PTPN2: variants seen among roughly 807,000 people sequenced by gnomAD.
The protein encoded by PTPN2 is tyrosine-protein phosphatase non-receptor type 2.
A neutral mutation model predicts 57.3 loss-of-function variants in PTPN2; 19 were observed. The ratio of observed to expected loss-of-function variants is 0.33; its 90% CI spans 0.23 to 0.49. The LOEUF (loss-of-function observed/expected upper bound fraction) is 0.49. Among genes scored for constraint, PTPN2 ranks in the 20% least tolerant of loss-of-function variants. PTPN2 has a pLI of 0.99. For missense variants in PTPN2, 358 were observed against 501.1 expected (o/e 0.71, Z 2.73); for synonymous variants, 153 against 164.9 (o/e 0.93, Z 0.55).
chr18:12,788,267 G>A (rs80279676), downstream of PTPN2: 1,670 of 152,552 alleles, frequency 0.011, 11 homozygotes, highest in Non-Finnish European at 0.018. Flanking sequence ...AAAACATACT[G>A]TATAACGTAA....
chr18:12,837,137 A>G (rs2042893797), intron 2 of PTPN2, among the ~76,000 whole-genome samples: 1 of 152,174 alleles, frequency 6.6e-6, no homozygotes, highest in Admixed American at 6.5e-5. Flanking sequence ...AGCCATTGTG[A>G]CTTGAAAAAT....
rs186080073 is a variant in PTPN2 at position 12,793,283 on chromosome 18, A to G, written c.*995T>C. The G allele has an allele frequency of 1.4e-4, 135 of 971,916 alleles. 1 individual carries two copies. Among genetic ancestry groups the G allele is most frequent in the Middle Eastern group, 5.2e-4 (1 of 1,910 alleles). 60.2% of individuals were successfully genotyped at this position (971,916 alleles called of 1,614,324 possible). Reference sequence around the variant, plus strand: ...ATATAATCATACTATTTATTGAAGTAGAAAGAAACTGAAAAGTGTTTACTT... The same window carrying G: ...ATATAATCATACTATTTATTGAAGTGGAAAGAAACTGAAAAGTGTTTACTT... On this transcript the variant is annotated 3_prime_UTR_variant, in exon 9 of 9. Transcript: ENST00000309660.
chr18:12,830,100 A>ATTTTT (rs148424474), intron 4 of PTPN2, among the ~76,000 whole-genome samples: 8 of 147,614 alleles, frequency 5.4e-5, no homozygotes, highest in Non-Finnish European at 9.0e-5. Flanking sequence ...ATAATCCTTG[A>ATTTTT]TTTTTTTTTT....
At chr18:12,827,675 C>G (rs1010661384) in intron 4 of PTPN2, among the ~76,000 whole-genome samples, 13 of 150,704 alleles carry the variant, frequency 8.6e-5, no homozygotes, top group African/African-American at 3.2e-4. Context: ...GTAAGCCCTC[C>G]AACCTGGCCA....
At chr18:12,838,953 T>C (rs2042958821) in intron 2 of PTPN2, among the ~76,000 whole-genome samples, 1 of 151,698 alleles carries the variant, frequency 6.6e-6, no homozygotes, top group East Asian at 1.9e-4. Context: ...AATAAAACTT[T>C]AAAATAAATT....
At chr18:12,814,810 A>T (rs2042012005) in intron 6 of PTPN2, among the ~76,000 whole-genome samples, 1 of 152,132 alleles carries the variant, frequency 6.6e-6, no homozygotes. Flanking sequence ...GGTGGAAAAG[A>T]GGCCAGGCAT....
chr18:12,807,236 T>C (rs961165220), intron 7 of PTPN2, among the ~76,000 whole-genome samples: 7 of 151,830 alleles, frequency 4.6e-5, no homozygotes, highest in Admixed American at 2.6e-4. Flanking sequence ...CACTGAGATA[T>C]CACCACACCC....
intron 8 of PTPN2, among the ~76,000 whole-genome samples, chr18:12,796,125 A>G (rs2041172242): frequency 6.6e-6 from 1 of 152,190 alleles, no homozygotes; most frequent in South Asian, 2.1e-4. Context: ...TCTGGCCTAG[A>G]AGCTTCAAAA....
At position 12,834,748 on chromosome 18, in the gene PTPN2, T is replaced by C. The variant is rs541010361; in HGVS notation, c.261+2043A>G. Among the ~76,000 whole-genome samples the C allele has an allele frequency of 3.3e-5, 5 of 152,022 alleles. No homozygotes were observed. In the South Asian group the frequency reaches 6.2e-4, roughly 19 times the overall value. ...GAAAAAAAAAAGCTAATTTAGAATC[T>C]TAAGACCTATGTTTTTAAGAACTAA... On this transcript the variant is annotated intron_variant, in intron 3 of 8. Coordinates refer to ENST00000309660, the MANE Select transcript of PTPN2 (RefSeq NM_002828.4).
chr18:12,879,795 G>A (rs762067123), intron 1 of PTPN2, among the ~76,000 whole-genome samples: 46 of 152,316 alleles, frequency 3.0e-4, no homozygotes, highest in Non-Finnish European at 5.9e-4. Flanking sequence ...GCTTTTAGTT[G>A]TACTCAGTTT....
intron 1 of PTPN2, among the ~76,000 whole-genome samples, chr18:12,865,495 C>G (rs971137725): frequency 6.7e-6 from 1 of 149,864 alleles, no homozygotes; most frequent in Admixed American, 6.6e-5. Context: ...GTAATCCTAG[C>G]ACTTTGGAAG....
At chr18:12,850,024 CAG>C (rs1252789267) in intron 2 of PTPN2, among the ~76,000 whole-genome samples, 14 of 152,112 alleles carry the variant, frequency 9.2e-5, no homozygotes, top group African/African-American at 3.4e-4. Context: ...TCGATCTTGA[CAG>C]AGTTGATCAG....
chr18:12,800,085 C>G (rs2041357317), intron 8 of PTPN2, among the ~76,000 whole-genome samples: 1 of 152,192 alleles, frequency 6.6e-6, no homozygotes, highest in African/African-American at 2.4e-5. Context: ...ACCGCCACCA[C>G]ATGCGAAAAC....
intron 3 of PTPN2, among the ~76,000 whole-genome samples, chr18:12,833,589 T>C (rs1190063034): frequency 1.3e-5 from 2 of 151,986 alleles, no homozygotes; most frequent in African/African-American, 2.4e-5. Flanking sequence ...CCTCCAAGCA[T>C]AAGGCAAAGT....
At chr18:12,883,124 A>G (rs2044718962) in intron 1 of PTPN2, among the ~76,000 whole-genome samples, 1 of 152,046 alleles carries the variant, frequency 6.6e-6, no homozygotes, top group Non-Finnish European at 1.5e-5. Context: ...GCCCCCGGGG[A>G]GGGGATGAGG....
intron 1 of PTPN2, among the ~76,000 whole-genome samples, chr18:12,870,495 A>AGG (rs2044227883): frequency 1.0e-5 from 1 of 95,892 alleles, no homozygotes; most frequent in Non-Finnish European, 1.9e-5. Context: ...AGAGAGAGAG[A>AGG]GAGAAAAGCG....
At chr18:12,872,843 AT>A (rs2044316505) in intron 1 of PTPN2, among the ~76,000 whole-genome samples, 1 of 152,254 alleles carries the variant, frequency 6.6e-6, no homozygotes, top group Non-Finnish European at 1.5e-5. Context: ...TCGGCACAAC[AT>A]TTAAATACAT....
At position 12,801,998 on chromosome 18, in the gene PTPN2, G is replaced by C. The variant is rs148776205; in HGVS notation, c.1012C>G (p.Gln338Glu). 2.8e-4 allele frequency: 458 copies of C among 1,608,982 alleles called. No individual in the cohort carries two copies. Among genetic ancestry groups the C allele is most frequent in the Middle Eastern group, 6.0e-4 (3 of 5,032 alleles). Residue 338 changes from glutamine (Q) to glutamate (E), a missense_variant, in exon 8 of 9, where the codon CAA becomes GAA. Physicochemically the swap from Gln to Glu is conservative, Grantham distance 29. Around this residue, in one of 4 missense-constraint regions of PTPN2, gnomAD observed 96 missense variants for 110.8 expected, o/e 0.87. Transcript: ENST00000309660. Reference protein sequence around the residue: ...DRCTGLSSKMQDTMEENSESA... With the variant: ...DRCTGLSSKMEDTMEENSESA... ...TCACTGTTCTCCTCCATTGTATCTT[G>C]CATTTTAGAGGAAAGTCCTGTACAT...
intron 5 of PTPN2, among the ~76,000 whole-genome samples, chr18:12,824,805 G>C (rs1297251180): frequency 6.6e-6 from 1 of 152,172 alleles, no homozygotes; most frequent in African/African-American, 2.4e-5. Flanking sequence ...TGCAAGTAAG[G>C]CCTGGCATGG....
Sources: gnomAD v4.1 joint callset for allele counts (sites outside exome capture counted in the v4.1 genomes callset) on GRCh38, gnomAD v4.1.1 for gene constraint, gnomAD v4.1.1 regional missense constraint, MANE v1.5 for transcripts, NCBI Gene and HGNC (gene_info 2026-07-23, HGNC 2026-07-21) for gene names.